The following GPC5 variants were observed in gnomAD, a reference collection of about 807,000 sequenced individuals.
GPC5 encodes glypican-5.
A neutral mutation model predicts 53.9 loss-of-function variants in GPC5; 47 were observed. The ratio of observed to expected loss-of-function variants is 0.87; its 90% confidence interval spans 0.69 to 1.11. The LOEUF (loss-of-function observed/expected upper bound fraction) is 1.11. Ranked by LOEUF, GPC5 falls within the 50% of genes most tolerant of loss-of-function variation. The pLI, the probability that GPC5 is intolerant of heterozygous loss-of-function variation, is 0.00. For synonymous variants in GPC5, 286 were observed against 263.3 expected (o/e 1.09, Z -0.84); for missense variants, 748 against 713.1 (o/e 1.05, Z -0.56).
chr13:91,607,741 T>C (rs2033419237), intron 2 of GPC5, among the ~76,000 whole-genome samples: 1 of 152,176 alleles, frequency 6.6e-6, no homozygotes, highest in Non-Finnish European at 1.5e-5. Context: ...GTGGGAAGTT[T>C]TCCCTGAAAG....
intron 2 of GPC5, among the ~76,000 whole-genome samples, chr13:91,509,642 A>G (rs1280030700): frequency 1.3e-5 from 2 of 152,056 alleles, no homozygotes; most frequent in African/African-American, 4.8e-5. Flanking sequence ...GTTTTATATT[A>G]AACTATTACT....
At chr13:91,840,851 A>G (rs566331292) in intron 5 of GPC5, among the ~76,000 whole-genome samples, 2 of 151,900 alleles carry the variant, frequency 1.3e-5, no homozygotes, top group African/African-American at 4.8e-5. Context: ...GTTAACTATT[A>G]TATTGATTAG....
chr13:91,809,369 A>G (rs2038274143), intron 5 of GPC5, among the ~76,000 whole-genome samples: 1 of 152,174 alleles, frequency 6.6e-6, no homozygotes, highest in African/African-American at 2.4e-5. Context: ...CTGACAACCA[A>G]TGATGAATAG....
chr13:92,181,743 T>C (rs2042148612), intron 7 of GPC5, among the ~76,000 whole-genome samples: 1 of 152,192 alleles, frequency 6.6e-6, no homozygotes, highest in Admixed American at 6.5e-5. Context: ...TTGTATCCCA[T>C]TGTTTCTCTA....
rs552675163 is a variant in GPC5 at position 91,896,399 on chromosome 13, A to G, written c.1281-11538A>G. 7.2e-5 allele frequency among the ~76,000 whole-genome samples: 11 copies of G among 152,256 alleles called. 1 individual carries two copies. Among genetic ancestry groups the G allele is most frequent in the African/African-American group, 2.6e-4 (11 of 41,546 alleles). On this transcript the variant is annotated intron_variant, in intron 5 of 7. Coordinates refer to ENST00000377067, the MANE Select transcript of GPC5 (RefSeq NM_004466.6). Reference sequence around the variant, plus strand: ...CTCCCAAAGTGTTGGGATTACAGGCATGAGCCACCGCACTGGCCCCCTATT... The same window carrying G: ...CTCCCAAAGTGTTGGGATTACAGGCGTGAGCCACCGCACTGGCCCCCTATT...
At chr13:92,543,956 A>G (rs1882016629) in intron 7 of GPC5, among the ~76,000 whole-genome samples, 1 of 151,934 alleles carries the variant, frequency 6.6e-6, no homozygotes, top group South Asian at 2.1e-4. Flanking sequence ...TTATTGGGCT[A>G]TATTGCTTTG....
intron 5 of GPC5, among the ~76,000 whole-genome samples, chr13:91,873,851 G>A (rs2039174632): frequency 6.6e-6 from 1 of 152,058 alleles, no homozygotes; most frequent in African/African-American, 2.4e-5. Context: ...CCAGCTAAAT[G>A]TTTGTTTTTT....
intron 7 of GPC5, among the ~76,000 whole-genome samples, chr13:92,302,549 A>C (rs1362880204): frequency 6.6e-6 from 1 of 152,202 alleles, no homozygotes; most frequent in Non-Finnish European, 1.5e-5. Flanking sequence ...CTGTTTGACT[A>C]TTCCTTTATT....
chr13:92,843,072 A>C (rs1050801911), intron 7 of GPC5, among the ~76,000 whole-genome samples: 1 of 152,188 alleles, frequency 6.6e-6, no homozygotes, highest in Admixed American at 6.5e-5. Flanking sequence ...AGCAATAAAG[A>C]CTGTTAAATT....
At chr13:91,615,020 C>T (rs1483339418) in intron 2 of GPC5, among the ~76,000 whole-genome samples, 1 of 152,174 alleles carries the variant, frequency 6.6e-6, no homozygotes, top group African/African-American at 2.4e-5. Context: ...TTTCCATCTT[C>T]AATATGTCTA....
At chr13:91,426,708 C>T (rs1398085659) in intron 1 of GPC5, among the ~76,000 whole-genome samples, 1 of 152,170 alleles carries the variant, frequency 6.6e-6, no homozygotes, top group Admixed American at 6.5e-5. Context: ...CCTGTCTAGT[C>T]CTTCCATATT....
At chr13:91,733,113 G>C (rs917166808) in intron 4 of GPC5, among the ~76,000 whole-genome samples, 1 of 152,110 alleles carries the variant, frequency 6.6e-6, no homozygotes, top group Admixed American at 6.6e-5. Flanking sequence ...ACTTTGGGCA[G>C]TATGGCCATT....
intron 7 of GPC5, among the ~76,000 whole-genome samples, chr13:92,642,726 C>T (rs1307335465): frequency 6.6e-6 from 1 of 152,078 alleles, no homozygotes; most frequent in Non-Finnish European, 1.5e-5. Flanking sequence ...CCATGTAGAG[C>T]AGTGGGAGAA....
At chr13:92,748,099 T>C (rs1418314252) in intron 7 of GPC5, among the ~76,000 whole-genome samples, 1 of 152,008 alleles carries the variant, frequency 6.6e-6, no homozygotes, top group Non-Finnish European at 1.5e-5. Flanking sequence ...TGATATGCTT[T>C]ACTGATCTAC....
intron 7 of GPC5, among the ~76,000 whole-genome samples, chr13:92,710,345 A>G (rs962001408): frequency 2.0e-5 from 3 of 152,232 alleles, no homozygotes; most frequent in Admixed American, 2.0e-4. Context: ...CAGATAATTT[A>G]CCATCCTAAT....
intron 6 of GPC5, among the ~76,000 whole-genome samples, chr13:91,973,498 C>T (rs1438003422): frequency 2.6e-5 from 4 of 152,184 alleles, no homozygotes; most frequent in South Asian, 2.1e-4. Context: ...AGCTTTGTTC[C>T]GTTGCTGGTG....
intron 7 of GPC5, among the ~76,000 whole-genome samples, chr13:92,521,485 C>T (rs1323705136): frequency 2.0e-5 from 3 of 152,110 alleles, no homozygotes; most frequent in East Asian, 3.9e-4. Flanking sequence ...CATCTACAAC[C>T]ATCTGATCTT....
At chr13:91,841,939 T>C (rs1391619952) in intron 5 of GPC5, among the ~76,000 whole-genome samples, 1 of 152,186 alleles carries the variant, frequency 6.6e-6, no homozygotes, top group Non-Finnish European at 1.5e-5. Context: ...CACAGCATCA[T>C]AAAAGTTTCA....
chr13:91,564,097 C>T (rs559156669), intron 2 of GPC5, among the ~76,000 whole-genome samples: 1 of 152,266 alleles, frequency 6.6e-6, no homozygotes, highest in Admixed American at 6.5e-5. Flanking sequence ...ATTCAAAAAC[C>T]ATTTCAGTGA....
Sources: allele counts gnomAD v4.1 joint callset (sites outside exome capture counted in the v4.1 genomes callset), GRCh38; gene constraint gnomAD v4.1.1; transcripts MANE v1.5; gene names NCBI Gene and HGNC (gene_info 2026-07-23, HGNC 2026-07-21).